The following XDH variants were observed in gnomAD, a reference collection of about 807,000 sequenced individuals.
XDH encodes xanthine dehydrogenase/oxidase.
XDH carries 138 observed loss-of-function variants against 156.1 expected under a neutral mutation model. The observed-to-expected ratio is 0.88, with a 90% confidence interval of 0.77 to 1.02. The LOEUF is 1.02. Ranked by LOEUF, XDH falls within the 50% of genes least tolerant of loss-of-function variation. The probability of loss-of-function intolerance (pLI) is 0.00; values close to 1 mark genes in which losing one functional copy is unlikely to be tolerated. For missense variants in XDH, 1,849 were observed against 1,684.9 expected, an observed-to-expected ratio of 1.10 and a Z score of -1.71; for synonymous variants, 669 against 625.7, an observed-to-expected ratio of 1.07 and a Z score of -1.03.
chr2:31,398,410 A>G (rs1369012946), intron 5 of XDH, among the ~76,000 whole-genome samples, 163 bp downstream of exon 5: 2 of 152,152 alleles, frequency 1.3e-5, no homozygotes, highest in African/African-American at 2.4e-5. Context: ...CCCAAGTAAG[A>G]GAGGGTTGGC....
Position 31,401,246 on chromosome 2 carries a change from T to G in XDH, c.280A>C (p.Thr94Pro), listed in dbSNP as rs759653817. 5.0e-6 allele frequency: 8 copies of G among 1,614,046 alleles called. No individual in the cohort carries two copies. The highest frequency in any genetic ancestry group is 3.3e-5 in the Admixed American group (2 of 60,010). The change falls in exon 4 of 36, where the codon ACC becomes CCC. Residue 94 changes from threonine to proline, a missense_variant. By Grantham distance (38) the Thr-to-Pro change is conservative. Coordinates refer to ENST00000379416, the MANE Select transcript of XDH (RefSeq NM_000379.4). ...TGCACAGGATGCAGCCTCGTCTTGG[T>G]GCTTCCTATTCCTTCCACAGTTGTC... is the stretch of plus-strand genomic sequence containing the variant. ...AVTTVEGIGS[T>P]KTRLHPVQER...
In XDH at chr2:31,383,001, C is replaced by G. The variant is rs557992688; in HGVS notation, c.1038G>C (p.Ala346=). The change falls in exon 11 of 36, where the codon GCG becomes GCC. Residue 346 remains alanine, a splice_region_variant and synonymous_variant. Transcript: ENST00000379416. ...TCGCTTGCTTCTGAGAGCGACTCAC[C>G]GCCACAGACTTGACTTGCTTCCCAG... ...WFAGKQVKSV[A]SVGGNIITAS... is the part of the protein sequence containing the mutation. The G allele has an allele frequency of 2.9e-5, 47 of 1,614,136 alleles. 1 individual carries two copies. In the South Asian group the frequency reaches 4.8e-4, roughly 17 times the overall value.
In XDH at chr2:31,335,030, CA is replaced by C. The variant is rs1166007058; in HGVS notation, c.*927del. 1 of 152,122 alleles carries C rather than the reference CA, an allele frequency of 6.6e-6. No homozygotes were observed. The highest frequency in any genetic ancestry group is 1.5e-5 in the Non-Finnish European group (1 of 68,008). The allele number at this position is 152,122 out of a possible 1,614,324, so 9.4% of individuals were successfully genotyped here. On this transcript the variant is annotated 3_prime_UTR_variant, in exon 36 of 36. Coordinates refer to ENST00000379416, the MANE Select transcript of XDH (RefSeq NM_000379.4). Reference sequence around the variant, plus strand: ...GACTACAGGCATGCACTATCAAGACCAACTAATTAAAAAAATTTTTTTTAAA... The same window carrying C: ...GACTACAGGCATGCACTATCAAGACCACTAATTAAAAAAATTTTTTTTAAA...
At chr2:31,339,749 G>T in intron 33 of XDH, 72 bp from the exon 34 acceptor site, 1 of 1,580,610 alleles carries the variant, frequency 6.3e-7, no homozygotes, top group South Asian at 1.1e-5. Flanking sequence ...TTGCCACAAT[G>T]GACACAAAGC....
intron 6 of XDH, among the ~76,000 whole-genome samples, chr2:31,392,924 T>C (rs193175337): frequency 6.6e-6 from 1 of 152,310 alleles, no homozygotes; most frequent in East Asian, 1.9e-4. Context: ...TCTTCAAGCA[T>C]TTGGGGGTTT....
intron 24 of XDH, among the ~76,000 whole-genome samples, chr2:31,362,849 G>A (rs1199199831): frequency 6.6e-6 from 1 of 152,154 alleles, no homozygotes; most frequent in African/African-American, 2.4e-5. Flanking sequence ...CAAAATACAT[G>A]TCTACATAAG....
intron 34 of XDH, among the ~76,000 whole-genome samples, chr2:31,338,053 C>T (rs1037762156): frequency 1.3e-5 from 2 of 152,220 alleles, no homozygotes; most frequent in Non-Finnish European, 2.9e-5. Context: ...TCTTTGAACA[C>T]TCATGTAATT....
chr2:31,348,735 G>A (rs1685369642), intron 27 of XDH, among the ~76,000 whole-genome samples, 164 bp downstream of exon 27: 1 of 152,166 alleles, frequency 6.6e-6, no homozygotes, highest in Non-Finnish European at 1.5e-5. Flanking sequence ...ATGACCTACT[G>A]GACAAATAGG....
chr2:31,374,770 C>T (rs1476102184), intron 15 of XDH, among the ~76,000 whole-genome samples: 1 of 152,116 alleles, frequency 6.6e-6, no homozygotes, highest in Non-Finnish European at 1.5e-5. Context: ...TCCATGTTCT[C>T]CCCGACACTG....
chr2:31,340,741 A>G (rs1039559497), intron 33 of XDH, among the ~76,000 whole-genome samples: 1 of 152,136 alleles, frequency 6.6e-6, no homozygotes, highest in African/African-American at 2.4e-5. Flanking sequence ...GAGTGCTGGG[A>G]TTACAGGTGT....
intron 5 of XDH, among the ~76,000 whole-genome samples, chr2:31,398,192 T>G (rs1387262063): frequency 6.6e-6 from 1 of 152,206 alleles, no homozygotes; most frequent in East Asian, 1.9e-4. Context: ...TTGGTGGTCT[T>G]GGCCCTGCAG....
chr2:31,396,521 G>A (rs1400638444), intron 6 of XDH, among the ~76,000 whole-genome samples: 3 of 152,124 alleles, frequency 2.0e-5, no homozygotes, highest in Non-Finnish European at 4.4e-5. Flanking sequence ...AGCTTTTCAA[G>A]AAGTACTTAA....
chr2:31,390,962 TTCA>T (rs1291650892), intron 6 of XDH, among the ~76,000 whole-genome samples: 2 of 152,208 alleles, frequency 1.3e-5, no homozygotes, highest in Non-Finnish European at 2.9e-5. Context: ...TGTCTCCTCA[TTCA>T]TCGTTATTAA....
At chr2:31,378,003 C>G (rs1390875937) in intron 13 of XDH, among the ~76,000 whole-genome samples, 3 of 148,030 alleles carry the variant, frequency 2.0e-5, no homozygotes, top group Non-Finnish European at 4.5e-5. Context: ...CCTGGGCCAG[C>G]AGGCAGAGTG....
Position 31,335,963 on chromosome 2 carries a change from C to T in XDH, c.3997G>A (p.Val1333Ile). Residue 1333 changes from valine (V) to isoleucine (I), a missense_variant, in exon 36 of 36, where the codon GTC becomes ATC. Val to Ile is a conservative substitution (Grantham distance 29, BLOSUM62 3). Transcript: ENST00000379416. ...PENCKPWSVR[V>I] ...CTCTGCTGAGGACTCTCTCTTTAGA[C>T]CCTCACAGACCAGGGTTTGCAGTTT... is the stretch of plus-strand genomic sequence containing the variant. 1 of 1,614,220 alleles carries T rather than the reference C, an allele frequency of 6.2e-7. No homozygotes were observed. Among genetic ancestry groups the T allele is most frequent in the Non-Finnish European group, 8.5e-7 (1 of 1,180,038 alleles).
At chr2:31,338,556 G>A (rs1052962085) in intron 34 of XDH, among the ~76,000 whole-genome samples, 1 of 152,074 alleles carries the variant, frequency 6.6e-6, no homozygotes, top group Admixed American at 6.6e-5. Context: ...ACCACGAGAT[G>A]AGCAAATGGA....
At chr2:31,406,741 G>C (rs1241285006) in intron 1 of XDH, among the ~76,000 whole-genome samples, 1 of 152,202 alleles carries the variant, frequency 6.6e-6, no homozygotes, top group Admixed American at 6.5e-5. Context: ...GCATCTGAGA[G>C]CATGGCATGC....
intron 9 of XDH, among the ~76,000 whole-genome samples, chr2:31,384,795 CCCTTTTGAA>C: frequency 6.6e-6 from 1 of 152,266 alleles, no homozygotes; most frequent in South Asian, 2.1e-4. Context: ...GAATACCAGC[CCCTTTTGAA>C]TATCAGCTTC....
rs567124278 is a variant in XDH at position 31,385,752 on chromosome 2, T to G, written c.793+662A>C. Among the ~76,000 whole-genome samples the G allele has an allele frequency of 2.0e-5, 3 of 152,284 alleles. No individual in the cohort carries two copies. In the South Asian group the frequency reaches 6.2e-4, roughly 32 times the overall value. On this transcript the variant is annotated intron_variant, in intron 9 of 35. Transcript: ENST00000379416. ...CTGTTCAACTATTCCAGGCCTCACG[T>G]CCTAGGTGGTAGCACTGACAGGGCA...
Sources: allele counts gnomAD v4.1 joint callset (sites outside exome capture counted in the v4.1 genomes callset), GRCh38; gene constraint gnomAD v4.1.1; transcripts MANE v1.5; gene names NCBI Gene and HGNC (gene_info 2026-07-23, HGNC 2026-07-21).